The following GRIN2A variants were observed in gnomAD, a reference collection of about 807,000 sequenced individuals.
The protein encoded by GRIN2A is glutamate ionotropic receptor NMDA type subunit 2A, also known as glutamate receptor ionotropic, NMDA 2A.
Under a neutral mutation model 113.4 loss-of-function variants are expected in GRIN2A, and 22 were observed. The observed-to-expected ratio is 0.19, with a 90% confidence interval of 0.14 to 0.28. The LOEUF (loss-of-function observed/expected upper bound fraction) is 0.28, where lower values mean the gene tolerates loss of function less well. GRIN2A is among the 10% of genes least tolerant of loss of function. The probability of loss-of-function intolerance (pLI) is 1.00; values close to 1 mark genes in which losing one functional copy is unlikely to be tolerated. For missense variants in GRIN2A, 1,502 were observed against 1,887.0 expected (o/e 0.80, Z 3.78); for synonymous variants, 827 against 738.4 (o/e 1.12, Z -1.94).
chr16:9,979,818 T>TATATATATATATATATATATTTATAC (rs1567213718), intron 2 of GRIN2A, among the ~76,000 whole-genome samples: 1 of 134,346 alleles, frequency 7.4e-6, no homozygotes, highest in East Asian at 2.6e-4. Context: ...TATATGTATA[T>TATATATATATATATATATATTTATAC]GTATGTATTT....
chr16:9,897,221 A>G (rs749288349), intron 3 of GRIN2A, among the ~76,000 whole-genome samples: 1 of 149,224 alleles, frequency 6.7e-6, no homozygotes, highest in Non-Finnish European at 1.5e-5. Flanking sequence ...TTATATATAT[A>G]AAAAAATACA....
intron 2 of GRIN2A, among the ~76,000 whole-genome samples, chr16:10,107,903 C>A (rs1277532900): frequency 6.6e-6 from 1 of 152,192 alleles, no homozygotes; most frequent in East Asian, 1.9e-4. Flanking sequence ...TGCAAAGTGC[C>A]TGCTACAGTG....
intron 11 of GRIN2A, among the ~76,000 whole-genome samples, chr16:9,787,812 T>C (rs1299361849): frequency 1.3e-5 from 2 of 152,214 alleles, no homozygotes; most frequent in East Asian, 1.9e-4. Flanking sequence ...TGCTCTGCAG[T>C]TCCTCTCCCC....
intron 2 of GRIN2A, among the ~76,000 whole-genome samples, chr16:10,019,624 C>T (rs528157202): frequency 1.1e-4 from 16 of 152,308 alleles, no homozygotes; most frequent in East Asian, 9.7e-4. Context: ...TCAACCCTGC[C>T]GGGTACCCCC....
At chr16:10,111,466 T>C (rs2142146691) in intron 2 of GRIN2A, 1 of 619,282 alleles carries the variant, frequency 1.6e-6, no homozygotes, top group East Asian at 2.9e-5. Context: ...CGGCGCCAAC[T>C]GCCGCACCCA....
intron 3 of GRIN2A, among the ~76,000 whole-genome samples, chr16:9,936,156 C>A (rs1321143541): frequency 2.0e-5 from 3 of 152,148 alleles, no homozygotes; most frequent in Admixed American, 2.0e-4. Context: ...AAAGCACAGC[C>A]CCTAGACCAA....
intron 2 of GRIN2A, among the ~76,000 whole-genome samples, chr16:9,959,665 T>C (rs2045391103): frequency 6.6e-6 from 1 of 152,204 alleles, no homozygotes; most frequent in Non-Finnish European, 1.5e-5. Context: ...TTCTTGTGGT[T>C]TTATTCGTGT....
chr16:9,817,510 G>A (rs2042207167), intron 10 of GRIN2A, among the ~76,000 whole-genome samples: 1 of 152,218 alleles, frequency 6.6e-6, no homozygotes, highest in African/African-American at 2.4e-5. Context: ...GTTTGCATAT[G>A]TGGTTTGTCT....
At chr16:10,160,341 A>G (rs889795567) in intron 2 of GRIN2A, among the ~76,000 whole-genome samples, 65 of 152,358 alleles carry the variant, frequency 4.3e-4, no homozygotes, top group African/African-American at 1.4e-3. Flanking sequence ...CACACAGCAC[A>G]AGTGGGCGTG....
chr16:10,157,046 T>A (rs558422445), intron 2 of GRIN2A, among the ~76,000 whole-genome samples: 3 of 152,168 alleles, frequency 2.0e-5, no homozygotes, highest in Non-Finnish European at 4.4e-5. Flanking sequence ...CTGAATATAA[T>A]GTTGATATCA....
chr16:9,939,083 C>T (rs934592735), intron 2 of GRIN2A, among the ~76,000 whole-genome samples: 4 of 152,198 alleles, frequency 2.6e-5, no homozygotes, highest in Admixed American at 1.3e-4. Context: ...GAACATACGG[C>T]TCCCACATAA....
chr16:10,115,698 T>C (rs2048717751), intron 2 of GRIN2A, among the ~76,000 whole-genome samples: 1 of 152,228 alleles, frequency 6.6e-6, no homozygotes, highest in South Asian at 2.1e-4. Flanking sequence ...ATTCTCAAGC[T>C]GAAAACATTT....
intron 2 of GRIN2A, among the ~76,000 whole-genome samples, chr16:10,064,345 G>A (rs2047608181): frequency 6.6e-6 from 1 of 152,154 alleles, no homozygotes; most frequent in Admixed American, 6.5e-5. Flanking sequence ...TCAGAACAAC[G>A]TTGTCACTGG....
rs1365523678 is a variant in GRIN2A, at chr16:9,759,524, T to C, written c.*3625A>G. ...TTTGTAAACAAGGTGTAATTTTCTATTTTTCTCCCCAGAAAATAAGCGTGA... is the reference window on the plus strand; with the variant it reads ...TTTGTAAACAAGGTGTAATTTTCTACTTTTCTCCCCAGAAAATAAGCGTGA... On this transcript the variant is annotated 3_prime_UTR_variant, in exon 13 of 13. Transcript: ENST00000330684. 4.5e-6 allele frequency: 1 copy of C among 224,306 alleles called. No homozygotes were observed. The highest frequency in any genetic ancestry group is 8.9e-6 in the Non-Finnish European group (1 of 112,544). The allele number at this position is 224,306 out of a possible 1,614,324, so 13.9% of individuals were successfully genotyped here.
intron 12 of GRIN2A, among the ~76,000 whole-genome samples, chr16:9,766,167 G>C (rs555408931): frequency 5.3e-5 from 8 of 152,302 alleles, no homozygotes; most frequent in African/African-American, 1.7e-4. Context: ...GGCTGACAGG[G>C]AGCCAAACTA....
At chr16:9,974,868 A>G (rs11644233) in intron 2 of GRIN2A, among the ~76,000 whole-genome samples, 1 of 151,908 alleles carries the variant, frequency 6.6e-6, no homozygotes, top group Admixed American at 6.5e-5. Flanking sequence ...TAGGACTTCC[A>G]GTACTATGCT....
At chr16:9,995,954 A>C (rs909952541) in intron 2 of GRIN2A, among the ~76,000 whole-genome samples, 2 of 147,666 alleles carry the variant, frequency 1.4e-5, no homozygotes, top group Non-Finnish European at 3.0e-5. Flanking sequence ...AAGAGTGAGC[A>C]AAGAGGTAAA....
intron 3 of GRIN2A, among the ~76,000 whole-genome samples, chr16:9,934,624 G>A (rs1414052144): frequency 4.6e-5 from 6 of 130,016 alleles, no homozygotes; most frequent in Admixed American, 1.8e-4. Flanking sequence ...AGGTTGTAGT[G>A]AGCCGAGATT....
At chr16:10,068,360 G>A (rs773576204) in intron 2 of GRIN2A, among the ~76,000 whole-genome samples, 2 of 152,214 alleles carry the variant, frequency 1.3e-5, no homozygotes, top group African/African-American at 2.4e-5. Context: ...AGGAAACATG[G>A]TACTGGCATC....
Sources: gnomAD v4.1 joint callset for allele counts (sites outside exome capture counted in the v4.1 genomes callset) on GRCh38, gnomAD v4.1.1 for gene constraint, MANE v1.5 for transcripts, NCBI Gene and HGNC (gene_info 2026-07-23, HGNC 2026-07-21) for gene names.